COL8A1: variants seen among roughly 807,000 people sequenced by gnomAD.
The protein encoded by COL8A1 is collagen type VIII alpha 1 chain.
In COL8A1, 21 loss-of-function variants were observed where a neutral mutation model predicts 42.7. That is an observed-to-expected ratio of 0.49 (90% CI 0.35 to 0.71). The LOEUF (loss-of-function observed/expected upper bound fraction) is 0.71. Among genes scored for constraint, COL8A1 ranks in the 30% least tolerant of loss-of-function variants. The probability of loss-of-function intolerance (pLI) is 0.01; values close to 1 mark genes in which losing one functional copy is unlikely to be tolerated. For synonymous variants in COL8A1, 367 were observed against 369.1 expected (o/e 0.99, Z 0.06); for missense variants, 788 against 962.4 (o/e 0.82, Z 2.40).
At chr3:99,693,237 T>G (rs898786956) in intron 1 of COL8A1, among the ~76,000 whole-genome samples, 2 of 152,170 alleles carry the variant, frequency 1.3e-5, no homozygotes, top group African/African-American at 4.8e-5. Context: ...TTATGTACAG[T>G]TCATAAAATT....
At chr3:99,744,734 T>G (rs1940986135) in intron 1 of COL8A1, among the ~76,000 whole-genome samples, 163 bp from the exon 2 acceptor site, 1 of 152,230 alleles carries the variant, frequency 6.6e-6, no homozygotes, top group South Asian at 2.1e-4. Flanking sequence ...ATTTGTTGTT[T>G]ATTTGAACAA....
intron 2 of COL8A1, among the ~76,000 whole-genome samples, chr3:99,755,729 G>T (rs1307388083): frequency 2.0e-5 from 3 of 152,286 alleles, no homozygotes; most frequent in Admixed American, 2.0e-4. Context: ...CAGGCAAATG[G>T]GAAGTCCCAA....
chr3:99,641,389 C>G (rs62281824), intron 1 of COL8A1, among the ~76,000 whole-genome samples: 9,463 of 152,100 alleles, frequency 0.062, 354 homozygotes, highest in East Asian at 0.22. Context: ...TCTTCTTAGC[C>G]CTCCTTCTTT....
intron 1 of COL8A1, among the ~76,000 whole-genome samples, chr3:99,667,289 C>T (rs560299531): frequency 3.3e-5 from 5 of 152,188 alleles, no homozygotes; most frequent in Non-Finnish European, 7.4e-5. Flanking sequence ...TTTTTTGTTG[C>T]TGGTTCCATA....
At chr3:99,722,397 G>C (rs10935917) in intron 1 of COL8A1, among the ~76,000 whole-genome samples, 1 of 151,880 alleles carries the variant, frequency 6.6e-6, no homozygotes, top group Non-Finnish European at 1.5e-5. Context: ...AACCCACCAA[G>C]CTGTAAACTT....
chr3:99,657,653 C>A (rs1270542110), intron 1 of COL8A1, among the ~76,000 whole-genome samples: 1 of 152,306 alleles, frequency 6.6e-6, no homozygotes, highest in Admixed American at 6.5e-5. Flanking sequence ...GTCTCTTATG[C>A]CTTCCCTCCT....
At chr3:99,659,167 T>G (rs1938123250) in intron 1 of COL8A1, among the ~76,000 whole-genome samples, 1 of 152,244 alleles carries the variant, frequency 6.6e-6, no homozygotes, top group Non-Finnish European at 1.5e-5. Context: ...ACATGTAGTA[T>G]GTGACTCATG....
intron 1 of COL8A1, among the ~76,000 whole-genome samples, chr3:99,721,030 G>A (rs1318183774): frequency 6.6e-6 from 1 of 151,764 alleles, no homozygotes; most frequent in Admixed American, 6.6e-5. Flanking sequence ...GAAAGAAGGG[G>A]AGGAAAAGAT....
In COL8A1 at chr3:99,790,820, A is replaced by G; in HGVS notation, c.138A>G (p.Pro46=). The G allele has an allele frequency of 6.2e-7, 1 of 1,614,224 alleles. No homozygotes were observed. Among genetic ancestry groups the G allele is most frequent in the Admixed American group, 1.7e-5 (1 of 60,032 alleles). Residue 46 remains proline, a synonymous_variant, in exon 3 of 4, where the codon CCA becomes CCG. Transcript: ENST00000652472. The stretch of plus-strand genomic sequence containing the variant: ...CTCAAATTCCTCCTCAGATGCCACC[A>G]CAAATTCCACAATACCAGCCCCTGG... ...LPPQIPPQMP[P]QIPQYQPLGQ...
chr3:99,675,203 G>A (rs1938657307), intron 1 of COL8A1, among the ~76,000 whole-genome samples: 1 of 151,992 alleles, frequency 6.6e-6, no homozygotes, highest in East Asian at 1.9e-4. Flanking sequence ...TGGTGGGTAT[G>A]ACACAGAAAG....
intron 1 of COL8A1, among the ~76,000 whole-genome samples, chr3:99,724,452 A>G (rs933172114): frequency 2.6e-5 from 4 of 152,096 alleles, no homozygotes; most frequent in Non-Finnish European, 5.9e-5. Flanking sequence ...GCCATTGCCC[A>G]TTGCCATACC....
intron 1 of COL8A1, among the ~76,000 whole-genome samples, chr3:99,681,395 T>C (rs1194234061): frequency 6.6e-6 from 1 of 152,216 alleles, no homozygotes; most frequent in Non-Finnish European, 1.5e-5. Flanking sequence ...CTCTTGTATT[T>C]TCCATCCGTA....
chr3:99,795,691 C>T lies in COL8A1; in HGVS notation c.1790C>T (p.Pro597Leu), dbSNP rs552134484. The change falls in exon 4 of 4, where the codon CCC becomes CTC. Residue 597 changes from proline to leucine, a missense_variant. Physicochemically the swap from Pro to Leu is moderately conservative, Grantham distance 98. Coordinates refer to ENST00000652472, the MANE Select transcript of COL8A1 (RefSeq NM_020351.4). ...DMGLGIDGVKPPHAYGAKKGK... is the reference protein window; with the variant it reads ...DMGLGIDGVKLPHAYGAKKGK... ...GGGCTGGGAATTGATGGCGTGAAACCCCCCCATGCCTACGGGGCTAAGAAA... is the reference window on the plus strand; with the variant it reads ...GGGCTGGGAATTGATGGCGTGAAACTCCCCCATGCCTACGGGGCTAAGAAA... 6 of 1,613,930 alleles carry T rather than the reference C, an allele frequency of 3.7e-6. No individual in the cohort carries two copies. The African/African-American group carries it at 4.0e-5, about 11-fold the overall frequency.
chr3:99,697,846 TG>T (rs1208898997), intron 1 of COL8A1, among the ~76,000 whole-genome samples: 1 of 152,222 alleles, frequency 6.6e-6, no homozygotes, highest in Non-Finnish European at 1.5e-5. Flanking sequence ...CTTTAAGTTC[TG>T]GGGTATGTCT....
chr3:99,746,541 T>C (rs990306007), intron 2 of COL8A1, among the ~76,000 whole-genome samples: 3 of 152,128 alleles, frequency 2.0e-5, no homozygotes, highest in Non-Finnish European at 4.4e-5. Context: ...AGTATAATAA[T>C]AATGTTAAAC....
intron 1 of COL8A1, among the ~76,000 whole-genome samples, chr3:99,697,025 C>T (rs1452436018): frequency 7.9e-6 from 1 of 126,176 alleles, no homozygotes; most frequent in Non-Finnish European, 1.6e-5. Context: ...CTCGCTCTGT[C>T]GCCCAGGCTG....
chr3:99,698,507 C>G (rs139799569), intron 1 of COL8A1, among the ~76,000 whole-genome samples: 2 of 152,262 alleles, frequency 1.3e-5, no homozygotes, highest in South Asian at 2.1e-4. Flanking sequence ...AGAGAAGGAT[C>G]TAGAGTAAGT....
At chr3:99,738,097 C>G (rs1354120566) in intron 1 of COL8A1, among the ~76,000 whole-genome samples, 1 of 152,162 alleles carries the variant, frequency 6.6e-6, no homozygotes, top group Non-Finnish European at 1.5e-5. Flanking sequence ...AAGCACTTCT[C>G]TGTATTGGTT....
chr3:99,681,361 C>G (rs184954723), intron 1 of COL8A1, among the ~76,000 whole-genome samples: 85 of 152,224 alleles, frequency 5.6e-4, no homozygotes, highest in African/African-American at 1.9e-3. Flanking sequence ...CAAAAGCAGA[C>G]CTTACTTATT....
Sources: allele counts gnomAD v4.1 joint callset (sites outside exome capture counted in the v4.1 genomes callset), GRCh38; gene constraint gnomAD v4.1.1; transcripts MANE v1.5; gene names NCBI Gene and HGNC (gene_info 2026-07-23, HGNC 2026-07-21).